The following SPAG6 variants were observed in gnomAD, a reference collection of about 807,000 sequenced individuals.
The protein encoded by SPAG6 is sperm-associated antigen 6.
Under a neutral mutation model 58.5 loss-of-function variants are expected in SPAG6, and 49 were observed. The observed-to-expected ratio is 0.84, with a 90% CI of 0.67 to 1.06. The LOEUF (loss-of-function observed/expected upper bound fraction) is 1.06, where lower values mean the gene tolerates loss of function less well. Ranked by LOEUF, SPAG6 falls within the 50% of genes least tolerant of loss-of-function variation. The probability of loss-of-function intolerance (pLI) is 0.00; values close to 1 mark genes in which losing one functional copy is unlikely to be tolerated. For synonymous variants in SPAG6, 233 were observed against 225.6 expected, an observed-to-expected ratio of 1.03 and a Z score of -0.29; for missense variants, 560 against 611.3, an observed-to-expected ratio of 0.92 and a Z score of 0.89.
rs749791101 is a variant in SPAG6, at chr10:22,389,289, G to C, written c.982G>C (p.Ala328Pro). ...GYVAAHSENL[A>P]MAVIISKGVP... Reference sequence around the variant, plus strand: ...TGTAGCAGCTCATTCTGAGAACCTAGCAATGGCAGTCATCATTTCTAAGGT... The same window carrying C: ...TGTAGCAGCTCATTCTGAGAACCTACCAATGGCAGTCATCATTTCTAAGGT... Residue 328 changes from alanine to proline, a missense_variant, in exon 7 of 11, where the codon GCA becomes CCA. Coordinates refer to ENST00000376624, the MANE Select transcript of SPAG6 (RefSeq NM_012443.4). 1.2e-6 allele frequency: 2 copies of C among 1,612,206 alleles called. No homozygotes were observed.
intron 8 of SPAG6, among the ~76,000 whole-genome samples, chr10:22,400,156 T>G (rs982948596): frequency 2.6e-5 from 4 of 152,064 alleles, no homozygotes; most frequent in African/African-American, 9.7e-5. Context: ...CCTTGACATT[T>G]CAAGAGCACT....
Position 22,411,840 on chromosome 10 carries a change from C to CT in SPAG6, c.1460+690dup, listed in dbSNP as rs546172800. Among the ~76,000 whole-genome samples, 336 of 66,800 alleles carry CT rather than the reference C, an allele frequency of 5.0e-3. 13 individuals carry two copies. The highest frequency in any genetic ancestry group is 9.1e-3 in the East Asian group (17 of 1,860). The allele number at this position is 66,800 out of a possible 152,430, so 43.8% of individuals were successfully genotyped here. A position where few individuals can be genotyped will look rare whatever the true frequency, so the allele number is the denominator to read the frequency against. ...AAGAGAATGATTTAAACAACTGAAT[C>CT]TTTTTTTTTTTTTTTTTTTTTTTTT... On this transcript the variant is annotated intron_variant, in intron 10 of 10. Coordinates refer to ENST00000376624, the MANE Select transcript of SPAG6 (RefSeq NM_012443.4).
At chr10:22,354,032 A>G (rs1283332174) in intron 2 of SPAG6, among the ~76,000 whole-genome samples, 2 of 152,222 alleles carry the variant, frequency 1.3e-5, no homozygotes, top group Non-Finnish European at 2.9e-5. Flanking sequence ...TGGAGAAGAA[A>G]CAAGTCTAAT....
At position 22,364,904 on chromosome 10, in the gene SPAG6, A is replaced by G. The variant is rs1172637353; in HGVS notation, c.173A>G (p.Gln58Arg). The G allele has an allele frequency of 6.2e-7, 1 of 1,613,530 alleles. No homozygotes were observed. The highest frequency in any genetic ancestry group is 8.5e-7 in the Non-Finnish European group (1 of 1,179,716). Reference protein sequence around the residue: ...TLLLDVVPTIQQTAALALGRL... With the variant: ...TLLLDVVPTIRQTAALALGRL... Reference sequence around the variant, plus strand: ...CTTCTGGACGTGGTCCCAACAATTCAACAGACTGCTGCTTTGGCTCTTGGG... The same window carrying G: ...CTTCTGGACGTGGTCCCAACAATTCGACAGACTGCTGCTTTGGCTCTTGGG... The change falls in exon 3 of 11, where the codon CAA (glutamine) becomes CGA (arginine). Residue 58 changes from glutamine (Q) to arginine (R), a missense_variant. Physicochemically the swap from Gln to Arg is conservative, Grantham distance 43 (BLOSUM62 1). Transcript: ENST00000376624.
intron 9 of SPAG6, among the ~76,000 whole-genome samples, chr10:22,405,384 A>G (rs1307207960): frequency 1.3e-5 from 2 of 151,768 alleles, no homozygotes; most frequent in African/African-American, 2.4e-5. Flanking sequence ...TTCTGCATCT[A>G]TTGAGATAAT....
chr10:22,414,393 G>A (rs769069784), intron 10 of SPAG6, among the ~76,000 whole-genome samples: 22 of 152,216 alleles, frequency 1.4e-4, no homozygotes, highest in South Asian at 8.3e-4. Flanking sequence ...GAAGGAGTAC[G>A]CTAAGAGCTC....
chr10:22,348,854 A>G (rs931749466), intron 2 of SPAG6, among the ~76,000 whole-genome samples: 1 of 152,132 alleles, frequency 6.6e-6, no homozygotes, highest in Non-Finnish European at 1.5e-5. Context: ...TGTTTTCGAG[A>G]CAGGGTTTCA....
chr10:22,417,003 T>C lies in SPAG6; in HGVS notation c.*315T>C, dbSNP rs1269981491. 1.0e-5 allele frequency: 2 copies of C among 198,766 alleles called. No individual in the cohort carries two copies. Among genetic ancestry groups the C allele is most frequent in the African/African-American group, 2.3e-5 (1 of 43,054 alleles). 12.3% of individuals were successfully genotyped at this position (198,766 alleles called of 1,614,324 possible). On this transcript the variant is annotated 3_prime_UTR_variant, in exon 11 of 11. Coordinates refer to ENST00000376624, the MANE Select transcript of SPAG6 (RefSeq NM_012443.4). The stretch of plus-strand genomic sequence containing the variant: ...ACATGCAGACACCTCCAATGAGATA[T>C]AGTTAAGAGATGGCATTCAAAAACC...
At chr10:22,357,819 G>A (rs1836910382) in intron 2 of SPAG6, among the ~76,000 whole-genome samples, 1 of 145,086 alleles carries the variant, frequency 6.9e-6, no homozygotes, top group Non-Finnish European at 1.5e-5. Flanking sequence ...CCACCTATGA[G>A]TGAGAATATG....
chr10:22,410,620 T>G (rs932347729), intron 9 of SPAG6, among the ~76,000 whole-genome samples: 2 of 152,138 alleles, frequency 1.3e-5, no homozygotes, highest in African/African-American at 4.8e-5. Flanking sequence ...ACAGCATGCA[T>G]GCTGTGATGT....
intron 4 of SPAG6, among the ~76,000 whole-genome samples, chr10:22,379,942 G>A (rs957688437): frequency 2.0e-5 from 3 of 151,466 alleles, no homozygotes; most frequent in Admixed American, 6.6e-5. Context: ...CTACAGGCAC[G>A]TGCCACCATG....
chr10:22,360,927 T>A (rs1247435801), intron 2 of SPAG6: 2 of 877,116 alleles, frequency 2.3e-6, no homozygotes, highest in Non-Finnish European at 3.6e-6. Flanking sequence ...TCACCATTTT[T>A]ATGCAGTTTC....
At chr10:22,348,102 T>C (rs948354571) in intron 2 of SPAG6, among the ~76,000 whole-genome samples, 8 of 152,200 alleles carry the variant, frequency 5.3e-5, no homozygotes, top group Non-Finnish European at 1.0e-4. Context: ...GCGATTCTCC[T>C]GCCTCAGCCT....
At chr10:22,377,058 G>C (rs1330797815) in intron 4 of SPAG6, among the ~76,000 whole-genome samples, 1 of 151,360 alleles carries the variant, frequency 6.6e-6, no homozygotes, top group Non-Finnish European at 1.5e-5. Context: ...GTGAGATCCT[G>C]CCTCTGGAGA....
chr10:22,369,340 A>G (rs958969458), intron 4 of SPAG6, among the ~76,000 whole-genome samples: 1 of 152,246 alleles, frequency 6.6e-6, no homozygotes, highest in African/African-American at 2.4e-5. Context: ...CATGAGGAAC[A>G]TAATTTTCCC....
At chr10:22,412,570 T>C in intron 10 of SPAG6, 1 of 952,730 alleles carries the variant, frequency 1.0e-6, no homozygotes. Flanking sequence ...AGCAGTGATA[T>C]ATCATAACAT....
chr10:22,355,780 TAATC>T (rs1836848594), intron 2 of SPAG6, among the ~76,000 whole-genome samples: 2 of 152,182 alleles, frequency 1.3e-5, no homozygotes, highest in African/African-American at 4.8e-5. Flanking sequence ...CAGAGGTATA[TAATC>T]AATAAAGGCT....
intron 2 of SPAG6, among the ~76,000 whole-genome samples, chr10:22,348,890 T>C (rs1449935149): frequency 6.6e-6 from 1 of 152,198 alleles, no homozygotes; most frequent in Non-Finnish European, 1.5e-5. Context: ...TGGAGTGCAG[T>C]GGTGCTATCT....
At chr10:22,394,802 G>T (rs543410339) in intron 8 of SPAG6, among the ~76,000 whole-genome samples, 2 of 152,132 alleles carry the variant, frequency 1.3e-5, no homozygotes, top group Non-Finnish European at 2.9e-5. Flanking sequence ...GAACTCCTGG[G>T]CCCAAGTGAT....
Sources: gnomAD v4.1 joint callset for allele counts (sites outside exome capture counted in the v4.1 genomes callset) on GRCh38, gnomAD v4.1.1 for gene constraint, MANE v1.5 for transcripts, NCBI Gene and HGNC (gene_info 2026-07-23, HGNC 2026-07-21) for gene names.